PCDHGA11: variants seen among roughly 807,000 people sequenced by gnomAD.
The protein encoded by PCDHGA11 is protocadherin gamma-A11.
Under a neutral mutation model 60.4 loss-of-function variants are expected in PCDHGA11, and 39 were observed. The ratio of observed to expected loss-of-function variants is 0.65; its 90% CI spans 0.50 to 0.84. The LOEUF (loss-of-function observed/expected upper bound fraction) is 0.84. Among genes scored for constraint, PCDHGA11 ranks in the 40% least tolerant of loss-of-function variants. The probability of loss-of-function intolerance (pLI) is 0.00; values close to 1 mark genes in which losing one functional copy is unlikely to be tolerated. For synonymous variants in PCDHGA11, 533 were observed against 510.3 expected, an observed-to-expected ratio of 1.04 and a Z score of -0.60; for missense variants, 1,165 against 1,197.7, an observed-to-expected ratio of 0.97 and a Z score of 0.40.
intron 2 of PCDHGA11, among the ~76,000 whole-genome samples, chr5:141,501,223 T>G (rs1247662371): frequency 6.6e-6 from 1 of 151,280 alleles, no homozygotes; most frequent in African/African-American, 2.4e-5. Flanking sequence ...CTTCCTAGAT[T>G]TCTCAGTTTT....
intron 1 of PCDHGA11, among the ~76,000 whole-genome samples, chr5:141,478,961 C>T (rs887338339): frequency 6.6e-6 from 1 of 152,206 alleles, no homozygotes; most frequent in Non-Finnish European, 1.5e-5. Context: ...CCTCATTCCT[C>T]CACCTTTCAA....
chr5:141,438,651 CAT>C (rs2098045358), intron 1 of PCDHGA11, among the ~76,000 whole-genome samples: 1 of 83,744 alleles, frequency 1.2e-5, no homozygotes, highest in East Asian at 3.2e-4. Context: ...CACACACACA[CAT>C]ATATGTATAT....
intron 2 of PCDHGA11, 117 bp downstream of exon 2, chr5:141,494,982 G>T: frequency 1.3e-6 from 2 of 1,563,940 alleles, no homozygotes; most frequent in Non-Finnish European, 1.7e-6. Flanking sequence ...CTCAGTTTGA[G>T]ATCCCAGGGA....
intron 1 of PCDHGA11, among the ~76,000 whole-genome samples, chr5:141,481,215 G>T (rs1238465869): frequency 6.6e-6 from 1 of 152,152 alleles, no homozygotes; most frequent in Non-Finnish European, 1.5e-5. Context: ...AACATGGTAA[G>T]GTCTCCCAGC....
chr5:141,466,223 T>C (rs1313406487), intron 1 of PCDHGA11, among the ~76,000 whole-genome samples: 1 of 152,096 alleles, frequency 6.6e-6, no homozygotes, highest in African/African-American at 2.4e-5. Context: ...CAGGCTGGAG[T>C]GCAGTGGCAC....
chr5:141,489,210 G>C lies in PCDHGA11; in HGVS notation c.2434-5597G>C. ...TCTACCTTGGAGACAGGACAGCACA[G>C]ACTTACTCTCCACAAAGGGACTTCT... On this transcript the variant is annotated intron_variant, in intron 1 of 3. Coordinates refer to ENST00000398587, the MANE Select transcript of PCDHGA11 (RefSeq NM_018914.3). This position sits in a 1 kb window ranked among gnomAD's most constrained non-coding sequence, Gnocchi z 4.5. 6.8e-7 allele frequency: 1 copy of C among 1,461,860 alleles called. No individual in the cohort carries two copies. Among genetic ancestry groups the C allele is most frequent in the African/African-American group, 1.4e-5 (1 of 70,802 alleles). 90.6% of individuals were successfully genotyped at this position (1,461,860 alleles called of 1,614,324 possible).
At chr5:141,450,796 G>GTATT (rs1490825772) in intron 1 of PCDHGA11, among the ~76,000 whole-genome samples, 8 of 145,976 alleles carry the variant, frequency 5.5e-5, no homozygotes, top group African/African-American at 1.8e-4. Flanking sequence ...CCTCATGATT[G>GTATT]TATTTATTTA....
intron 2 of PCDHGA11, among the ~76,000 whole-genome samples, chr5:141,495,262 A>G (rs550950979): frequency 1.3e-5 from 2 of 152,246 alleles, no homozygotes; most frequent in South Asian, 2.1e-4. Flanking sequence ...GCAGAAAAGC[A>G]TTTGACCGGA....
At position 141,477,866 on chromosome 5, in the gene PCDHGA11, A is replaced by G; in HGVS notation, c.2434-16941A>G. ...CTCGGTGGAGATGCTGCCTCGAGGT[A>G]CCTCAGCTGGCCACCTAGTGTCACG... On this transcript the variant is annotated intron_variant, in intron 1 of 3. Coordinates refer to ENST00000398587, the MANE Select transcript of PCDHGA11 (RefSeq NM_018914.3). This position sits in a 1 kb window ranked among gnomAD's most constrained non-coding sequence, Gnocchi z 4.9. 1 of 1,614,072 alleles carries G rather than the reference A, an allele frequency of 6.2e-7. No homozygotes were observed. Among genetic ancestry groups the G allele is most frequent in the Non-Finnish European group, 8.5e-7 (1 of 1,179,988 alleles).
intron 2 of PCDHGA11, among the ~76,000 whole-genome samples, chr5:141,503,851 A>C (rs1484022055): frequency 6.6e-6 from 1 of 152,116 alleles, no homozygotes; most frequent in Non-Finnish European, 1.5e-5. Context: ...CCTTGGAAAA[A>C]TTGTAAAGCA....
chr5:141,503,417 A>T (rs1431276679), intron 2 of PCDHGA11, among the ~76,000 whole-genome samples: 2 of 151,968 alleles, frequency 1.3e-5, no homozygotes, highest in Non-Finnish European at 2.9e-5. Flanking sequence ...CAATATGGTG[A>T]AACCCCATCT....
In PCDHGA11 at chr5:141,432,670, G is replaced by C; in HGVS notation, c.2433+9010G>C. On this transcript the variant is annotated intron_variant, in intron 1 of 3. Transcript: ENST00000398587. The surrounding 1 kb of genome is among the most constrained non-coding windows in gnomAD (Gnocchi z 6.0). ...CGCGAGCCCTGCTGGACAGAGACGCGCTCAAGCAGAGCCTCGTAGTGGCCG... is the reference window on the plus strand; with the variant it reads ...CGCGAGCCCTGCTGGACAGAGACGCCCTCAAGCAGAGCCTCGTAGTGGCCG... 1 of 1,613,868 alleles carries C rather than the reference G, an allele frequency of 6.2e-7. No homozygotes were observed. The highest frequency in any genetic ancestry group is 8.5e-7 in the Non-Finnish European group (1 of 1,179,940).
rs1311776295 is a variant in PCDHGA11, at chr5:141,487,582, C to G, written c.2434-7225C>G. 1.2e-6 allele frequency: 2 copies of G among 1,614,088 alleles called. No homozygotes were observed. The highest frequency in any genetic ancestry group is 2.7e-5 in the African/African-American group (2 of 74,934). ...TGGCAGGGGAGCCTGTTCGCCCAAG[C>G]TGCCCACCCTCTGATCTTCTCTATG... is the stretch of plus-strand genomic sequence containing the variant. On this transcript the variant is annotated intron_variant, in intron 1 of 3. Transcript: ENST00000398587. The surrounding 1 kb of genome is among the most constrained non-coding windows in gnomAD (Gnocchi z 5.0).
At chr5:141,494,768 C>T (rs758949982) in intron 1 of PCDHGA11, 39 bp from the exon 2 acceptor site, 1 of 1,614,060 alleles carries the variant, frequency 6.2e-7, no homozygotes, top group South Asian at 1.1e-5. Flanking sequence ...TCTAACTTCT[C>T]ACGGGTACTC....
intron 1 of PCDHGA11, among the ~76,000 whole-genome samples, chr5:141,472,967 C>G (rs1040253926): frequency 1.7e-5 from 1 of 58,336 alleles, no homozygotes; most frequent in South Asian, 5.1e-4. Flanking sequence ...GCCTGGGGAA[C>G]AAGAGTGAAA....
chr5:141,479,572 T>G (rs956648090), intron 1 of PCDHGA11: 2 of 152,190 alleles, frequency 1.3e-5, no homozygotes, highest in African/African-American at 2.4e-5. Context: ...TGGGATGACA[T>G]CTGTGAATAG....
chr5:141,430,477 A>G (rs1329218924), intron 1 of PCDHGA11: 1 of 244,524 alleles, frequency 4.1e-6, no homozygotes, highest in Non-Finnish European at 7.7e-6. Context: ...TATTTAAGAT[A>G]TAAAAACGAA....
intron 1 of PCDHGA11, among the ~76,000 whole-genome samples, chr5:141,437,364 T>C (rs1026384836): frequency 6.6e-6 from 1 of 152,232 alleles, no homozygotes; most frequent in African/African-American, 2.4e-5. Flanking sequence ...AAAATTGGAA[T>C]GTAATCAGTC....
chr5:141,490,412 C>T lies in PCDHGA11; in HGVS notation c.2434-4395C>T, dbSNP rs2233605. 10 of 1,614,062 alleles carry T rather than the reference C, an allele frequency of 6.2e-6. No homozygotes were observed. The highest frequency in any genetic ancestry group is 4.0e-5 in the African/African-American group (3 of 74,910). Reference sequence around the variant, plus strand: ...GGTGAAGTGAGCCTTGATATCTCTCCGGACCTGCCATTTCAGATTAAGCCT... The same window carrying T: ...GGTGAAGTGAGCCTTGATATCTCTCTGGACCTGCCATTTCAGATTAAGCCT... On this transcript the variant is annotated intron_variant, in intron 1 of 3. Transcript: ENST00000398587. This position sits in a 1 kb window ranked among gnomAD's most constrained non-coding sequence, Gnocchi z 5.4.
Sources: gnomAD v4.1 joint callset for allele counts (sites outside exome capture counted in the v4.1 genomes callset) on GRCh38, gnomAD v4.1.1 for gene constraint, Gnocchi (gnomAD v3.1) non-coding constraint, MANE v1.5 for transcripts, NCBI Gene and HGNC (gene_info 2026-07-23, HGNC 2026-07-21) for gene names.